Variants in RNMT observed in about 807,000 individuals in gnomAD.
RNMT encodes mRNA cap guanine-N(7) methyltransferase.
In RNMT, 27 loss-of-function variants were observed where a neutral mutation model predicts 56.0. That is an observed-to-expected ratio of 0.48 (90% CI 0.36 to 0.67). The LOEUF is 0.67. Among genes scored for constraint, RNMT ranks in the 30% least tolerant of loss-of-function variants. The probability of loss-of-function intolerance (pLI) is 0.00; values close to 1 mark genes in which losing one functional copy is unlikely to be tolerated. For missense variants in RNMT, 519 were observed against 552.1 expected (o/e 0.94, Z 0.60); for synonymous variants, 184 against 176.2 (o/e 1.04, Z -0.35).
At chr18:13,730,386 G>A (rs2044046530) in intron 1 of RNMT, 1 of 152,200 alleles carries the variant, frequency 6.6e-6, no homozygotes, top group South Asian at 2.1e-4. Context: ...CACCCATTAT[G>A]AAATACGATT....
chr18:13,738,775 A>G (rs2044206280), intron 5 of RNMT, among the ~76,000 whole-genome samples: 1 of 152,214 alleles, frequency 6.6e-6, no homozygotes, highest in Non-Finnish European at 1.5e-5. Context: ...TTCTTATTTG[A>G]AAGTCAATTT....
intron 7 of RNMT, among the ~76,000 whole-genome samples, chr18:13,742,215 G>A (rs1413254157): frequency 1.3e-5 from 2 of 151,968 alleles, no homozygotes; most frequent in Non-Finnish European, 2.9e-5. Context: ...GCACGCCCCT[G>A]TAGTCCTTGC....
At position 13,737,146 on chromosome 18, in the gene RNMT, T is replaced by C. The variant is rs777528573; in HGVS notation, c.679+11T>C. On this transcript the variant is annotated intron_variant, in intron 5 of 11. Transcript: ENST00000383314. The stretch of plus-strand genomic sequence containing the variant: ...AGCTAGTTTGTACTGGTAAGATAAA[T>C]AATGATATGGGAAAGAATAATTTGT... 1.6e-5 allele frequency: 26 copies of C among 1,577,736 alleles called. No individual in the cohort carries two copies. Among genetic ancestry groups the C allele is most frequent in the South Asian group, 8.1e-5 (7 of 86,554 alleles).
At position 13,741,587 on chromosome 18, in the gene RNMT, A is replaced by G; in HGVS notation, c.870A>G (p.Ser290=). Residue 290 remains serine (S), a synonymous_variant, in exon 7 of 12, where the codon TCA becomes TCG. Transcript: ENST00000383314. ...GTTGTCAGTTTGTCTGTCATTACTC[A>G]TTTGAGTCTTATGAGCAGGCTGACA... ...ICSCQFVCHY[S]FESYEQADMM... 3 of 1,614,004 alleles carry G rather than the reference A, an allele frequency of 1.9e-6. No individual in the cohort carries two copies. The highest frequency in any genetic ancestry group is 2.2e-5 in the East Asian group (1 of 44,858).
At chr18:13,729,791 T>C (rs528351452) in intron 1 of RNMT, among the ~76,000 whole-genome samples, 3 of 152,098 alleles carry the variant, frequency 2.0e-5, no homozygotes, top group Non-Finnish European at 2.9e-5. Context: ...GCACAAACAC[T>C]TCCTTCATGA....
intron 3 of RNMT, among the ~76,000 whole-genome samples, chr18:13,733,388 C>T (rs1025957626): frequency 6.6e-6 from 1 of 152,068 alleles, no homozygotes; most frequent in Non-Finnish European, 1.5e-5. Context: ...ATTCTAATCT[C>T]TCTTTTTTTT....
At chr18:13,755,098 T>C (rs2044521029) in intron 11 of RNMT, among the ~76,000 whole-genome samples, 2 of 152,188 alleles carry the variant, frequency 1.3e-5, no homozygotes, top group Non-Finnish European at 2.9e-5. Flanking sequence ...GGACAATCCA[T>C]TTGATAAACA....
intron 1 of RNMT, 188 bp downstream of exon 1, chr18:13,726,917 G>A (rs954262022): frequency 6.6e-6 from 1 of 152,414 alleles, no homozygotes; most frequent in Non-Finnish European, 1.5e-5. Context: ...GAACTCCTTG[G>A]GGTGGGCGGG....
At chr18:13,734,905 C>T (rs3819131) in intron 4 of RNMT, among the ~76,000 whole-genome samples, 49,326 of 151,946 alleles carry the variant, frequency 0.32, 9,883 homozygotes, top group East Asian at 0.83. Context: ...TTCATTAAGT[C>T]AAGAAATAGG....
intron 8 of RNMT, among the ~76,000 whole-genome samples, chr18:13,744,907 A>C (rs1420872816): frequency 6.6e-6 from 1 of 152,192 alleles, no homozygotes; most frequent in Non-Finnish European, 1.5e-5. Flanking sequence ...GAAAAAAACT[A>C]CCTGAGAGTC....
At chr18:13,755,491 T>C (rs190350383) in intron 11 of RNMT, among the ~76,000 whole-genome samples, 14 of 152,336 alleles carry the variant, frequency 9.2e-5, no homozygotes, top group Admixed American at 9.2e-4. Flanking sequence ...AGCTAACCTG[T>C]GGTTAGCTTA....
chr18:13,742,762 A>G, intron 8 of RNMT, 110 bp downstream of exon 8: 1 of 806,592 alleles, frequency 1.2e-6, no homozygotes, highest in Non-Finnish European at 1.9e-6. Flanking sequence ...CTAAAGAAAA[A>G]GTATAATCTT....
At position 13,761,724 on chromosome 18, in the gene RNMT, GT is replaced by G; in HGVS notation, c.*1747del. The G allele has an allele frequency of 8.8e-7, 1 of 1,141,224 alleles. No individual in the cohort carries two copies. Among genetic ancestry groups the G allele is most frequent in the South Asian group, 2.2e-5 (1 of 45,884 alleles). The allele number at this position is 1,141,224 out of a possible 1,614,324, so 70.7% of individuals were successfully genotyped here. A position where few individuals can be genotyped will look rare whatever the true frequency, so the allele number is the denominator to read the frequency against. On this transcript the variant is annotated 3_prime_UTR_variant, in exon 12 of 12. Coordinates refer to ENST00000383314, the MANE Select transcript of RNMT (RefSeq NM_003799.3). ...AGATGCTCTGGGGACTGAGCCCACT[GT>G]TGTTGGTGTCAGGGAGGCTTACTGG...
intron 5 of RNMT, among the ~76,000 whole-genome samples, chr18:13,738,855 A>G (rs994603959): frequency 6.6e-6 from 1 of 152,136 alleles, no homozygotes; most frequent in Non-Finnish European, 1.5e-5. Flanking sequence ...TTTTGGCACC[A>G]GGGGCCGGTT....
At position 13,742,554 on chromosome 18, in the gene RNMT, G is replaced by T. The variant is rs1437433134; in HGVS notation, c.1041G>T (p.Lys347Asn). 6.2e-7 allele frequency: 1 copy of T among 1,612,674 alleles called. No individual in the cohort carries two copies. ...GNEIYTVKFQ[K>N]KGDYPLFGCK... ...AAATATATACTGTGAAATTTCAGAA[G>T]AAAGGAGATTATCCTTTATTTGGCT... Residue 347 changes from lysine to asparagine, a missense_variant, in exon 8 of 12, where the codon AAG (lysine) becomes AAT (asparagine). Coordinates refer to ENST00000383314, the MANE Select transcript of RNMT (RefSeq NM_003799.3).
At chr18:13,756,727 G>A (rs1256186570) in intron 11 of RNMT, among the ~76,000 whole-genome samples, 1 of 152,202 alleles carries the variant, frequency 6.6e-6, no homozygotes, top group African/African-American at 2.4e-5. Context: ...TCCTGTACAA[G>A]TTGGGTTGGA....
intron 3 of RNMT, among the ~76,000 whole-genome samples, chr18:13,733,543 A>G (rs951678209): frequency 2.6e-5 from 4 of 151,992 alleles, no homozygotes; most frequent in African/African-American, 9.7e-5. Context: ...ATGCCCAGCT[A>G]ATTTTTGTAT....
chr18:13,727,359 C>G (rs1355909991), intron 1 of RNMT, among the ~76,000 whole-genome samples: 2 of 152,322 alleles, frequency 1.3e-5, no homozygotes, highest in African/African-American at 4.8e-5. Context: ...CCATGTCAGT[C>G]GACCACCTTT....
At chr18:13,744,156 C>CTTTTTTTTT (rs1555794897) in intron 8 of RNMT, among the ~76,000 whole-genome samples, 36 of 25,974 alleles carry the variant, frequency 1.4e-3, no homozygotes, top group African/African-American at 5.2e-3. Flanking sequence ...ACCTAGCGGT[C>CTTTTTTTTT]TTCTTTTTTT....
Sources: allele counts gnomAD v4.1 joint callset (sites outside exome capture counted in the v4.1 genomes callset), GRCh38; gene constraint gnomAD v4.1.1; transcripts MANE v1.5; gene names NCBI Gene and HGNC (gene_info 2026-07-23, HGNC 2026-07-21).